The following DENND2C variants were observed in gnomAD, a reference collection of about 807,000 sequenced individuals.
DENND2C encodes the protein DENN domain containing 2C.
DENND2C carries 72 observed loss-of-function variants against 112.4 expected under a neutral mutation model. The observed-to-expected ratio is 0.64, with a 90% CI of 0.53 to 0.78. The LOEUF is 0.78. Ranked by LOEUF, DENND2C falls within the 30% of genes least tolerant of loss-of-function variation. DENND2C has a pLI of 0.00. For synonymous variants in DENND2C, 329 were observed against 381.6 expected (o/e 0.86, Z 1.61); for missense variants, 992 against 1,113.8 (o/e 0.89, Z 1.56).
At chr1:114,622,897 A>G (rs1656205086) in intron 6 of DENND2C, 90 bp downstream of exon 6, 4 of 875,678 alleles carry the variant, frequency 4.6e-6, no homozygotes, top group Admixed American at 5.9e-5. Flanking sequence ...AGTGCCTCTT[A>G]GTTCTGGACC....
intron 20 of DENND2C, among the ~76,000 whole-genome samples, chr1:114,586,173 A>G (rs1655031466): frequency 1.3e-5 from 2 of 152,210 alleles, no homozygotes; most frequent in South Asian, 2.1e-4. Context: ...CTCTTGTATC[A>G]TACTAATTAA....
chr1:114,649,390 G>GT (rs1657094332), intron 2 of DENND2C, among the ~76,000 whole-genome samples: 1 of 151,982 alleles, frequency 6.6e-6, no homozygotes, highest in African/African-American at 2.4e-5. Context: ...TTTTTGTTTT[G>GT]TTTTGTTTTT....
chr1:114,597,007 G>A (rs1440479541), intron 16 of DENND2C, among the ~76,000 whole-genome samples: 1 of 151,984 alleles, frequency 6.6e-6, no homozygotes, highest in East Asian at 1.9e-4. Context: ...AACTTAAGCA[G>A]CTCACTAAAA....
chr1:114,626,269 C>T, intron 3 of DENND2C, 81 bp from the exon 4 acceptor site: 1 of 311,676 alleles, frequency 3.2e-6, no homozygotes, highest in South Asian at 5.4e-5. Context: ...GCCCACCTAT[C>T]CCTACATAAT....
At position 114,638,231 on chromosome 1, in the gene DENND2C, A is replaced by C. The variant is rs1419353808; in HGVS notation, c.-205+7217T>G. ...AACAAATAGGTATCTATCTGTAAAA[A>C]AAAATGAACCTCAACCTTTACCCAT... On this transcript the variant is annotated intron_variant, in intron 3 of 20. Coordinates refer to ENST00000393274, the MANE Select transcript of DENND2C (RefSeq NM_001256404.2). Among the ~76,000 whole-genome samples the C allele has an allele frequency of 2.0e-5, 3 of 152,132 alleles. No individual in the cohort carries two copies. The East Asian group carries it at 5.8e-4, about 29-fold the overall frequency.
chr1:114,648,674 T>C (rs1657065446), intron 2 of DENND2C, among the ~76,000 whole-genome samples: 1 of 152,126 alleles, frequency 6.6e-6, no homozygotes, highest in South Asian at 2.1e-4. Context: ...CTCAAAGTGC[T>C]TGAGGCATAT....
chr1:114,646,344 T>C lies in DENND2C; in HGVS notation c.-316-785A>G, dbSNP rs1656988490. Among the ~76,000 whole-genome samples, 3 of 152,208 alleles carry C rather than the reference T, an allele frequency of 2.0e-5. No homozygotes were observed. The South Asian group carries it at 6.2e-4, about 32-fold the overall frequency. On this transcript the variant is annotated intron_variant, in intron 2 of 20. Coordinates refer to ENST00000393274, the MANE Select transcript of DENND2C (RefSeq NM_001256404.2). The stretch of plus-strand genomic sequence containing the variant: ...GAAAATCAACAATTTTAGAACACTT[T>C]TCTTTGGAAAAGGAAAATGGTGTGA...
intron 1 of DENND2C, among the ~76,000 whole-genome samples, chr1:114,667,438 A>G (rs1436612105): frequency 2.0e-5 from 3 of 152,150 alleles, no homozygotes; most frequent in Admixed American, 6.5e-5. Context: ...TAACTTCTTA[A>G]TGAAAGAAGT....
intron 18 of DENND2C, among the ~76,000 whole-genome samples, chr1:114,589,705 A>T (rs1236874866): frequency 6.6e-6 from 1 of 151,432 alleles, no homozygotes; most frequent in East Asian, 1.9e-4. Context: ...GCTACATCTT[A>T]ATTTCTTTCT....
At chr1:114,594,302 T>C (rs1289109349) in intron 18 of DENND2C, among the ~76,000 whole-genome samples, 171 bp downstream of exon 18, 1 of 152,178 alleles carries the variant, frequency 6.6e-6, no homozygotes, top group East Asian at 1.9e-4. Context: ...GGTCCTGAAA[T>C]AGAAGAGGAC....
chr1:114,625,059 G>T, intron 4 of DENND2C, 120 bp downstream of exon 4: 1 of 974,388 alleles, frequency 1.0e-6, no homozygotes, highest in Non-Finnish European at 1.5e-6. Flanking sequence ...ACACCTGCAT[G>T]TTCAAAGCAG....
intron 1 of DENND2C, among the ~76,000 whole-genome samples, chr1:114,662,925 A>C (rs1170480460): frequency 6.6e-6 from 1 of 152,070 alleles, no homozygotes; most frequent in Non-Finnish European, 1.5e-5. Flanking sequence ...GTGCCACTGC[A>C]CTCCAGCCTG....
At chr1:114,649,068 C>A (rs2101687550) in intron 2 of DENND2C, among the ~76,000 whole-genome samples, 1 of 152,090 alleles carries the variant, frequency 6.6e-6, no homozygotes, top group East Asian at 1.9e-4. Flanking sequence ...GATTCTCCTG[C>A]CTCAGCCTCC....
At chr1:114,640,042 A>C (rs901135464) in intron 3 of DENND2C, among the ~76,000 whole-genome samples, 17 of 152,240 alleles carry the variant, frequency 1.1e-4, no homozygotes, top group African/African-American at 3.6e-4. Context: ...TTTTGTAGCA[A>C]AAGCTGGGAG....
intron 18 of DENND2C, among the ~76,000 whole-genome samples, chr1:114,591,270 A>AT (rs1280295150): frequency 6.6e-6 from 1 of 152,066 alleles, no homozygotes; most frequent in East Asian, 1.9e-4. Flanking sequence ...GCCTGGACAG[A>AT]TTTTTTAGTT....
intron 8 of DENND2C, among the ~76,000 whole-genome samples, chr1:114,611,806 C>CACAT (rs1200427455): frequency 3.6e-5 from 4 of 110,490 alleles, no homozygotes; most frequent in African/African-American, 1.5e-4. Context: ...CACACACACA[C>CACAT]ACACACACAC....
Position 114,601,494 on chromosome 1 carries a change from C to T in DENND2C, c.1815+14G>A, listed in dbSNP as rs1234236756. ...AAAGGACACCATTTTTCATACAGCT[C>T]ATTCTCCACTCACCTTTGAAAAAAG... On this transcript the variant is annotated intron_variant, in intron 13 of 20. Coordinates refer to ENST00000393274, the MANE Select transcript of DENND2C (RefSeq NM_001256404.2). 6.2e-7 allele frequency: 1 copy of T among 1,608,058 alleles called. No homozygotes were observed. The highest frequency in any genetic ancestry group is 1.3e-5 in the African/African-American group (1 of 74,772).
At chr1:114,659,125 A>T (rs1189735177) in intron 1 of DENND2C, among the ~76,000 whole-genome samples, 4 of 152,200 alleles carry the variant, frequency 2.6e-5, no homozygotes, top group African/African-American at 9.6e-5. Flanking sequence ...AACAACTGAA[A>T]GTCTGGTAAT....
chr1:114,652,708 T>C (rs1369359517), intron 2 of DENND2C, among the ~76,000 whole-genome samples: 6 of 145,576 alleles, frequency 4.1e-5, no homozygotes. Context: ...AGTCTCCTCA[T>C]TGCCCAACCT....
Sources: gnomAD v4.1 joint callset for allele counts (sites outside exome capture counted in the v4.1 genomes callset) on GRCh38, gnomAD v4.1.1 for gene constraint, MANE v1.5 for transcripts, NCBI Gene and HGNC (gene_info 2026-07-23, HGNC 2026-07-21) for gene names.